SLC36A3: variants seen among roughly 807,000 people sequenced by gnomAD.
SLC36A3 encodes the protein solute carrier family 36 member 3, also known as proton-coupled amino acid transporter 3.
In SLC36A3, 35 loss-of-function variants were observed where a neutral mutation model predicts 44.3. The ratio of observed to expected loss-of-function variants is 0.79; its 90% CI spans 0.60 to 1.05. The LOEUF (loss-of-function observed/expected upper bound fraction) is 1.05. SLC36A3 is among the 50% of genes least tolerant of loss of function. SLC36A3 has a pLI of 0.00. For missense variants in SLC36A3, 540 were observed against 578.7 expected, an observed-to-expected ratio of 0.93 and a Z score of 0.69; for synonymous variants, 211 against 227.6, an observed-to-expected ratio of 0.93 and a Z score of 0.66.
chr5:151,285,616 G>A (rs959656177), intron 6 of SLC36A3, among the ~76,000 whole-genome samples: 8 of 152,234 alleles, frequency 5.3e-5, no homozygotes, highest in Non-Finnish European at 4.4e-5. Context: ...AAAGATGAGA[G>A]TATGTTATGT....
intron 1 of SLC36A3, among the ~76,000 whole-genome samples, chr5:151,302,829 T>C (rs1426795216): frequency 2.0e-5 from 3 of 151,924 alleles, no homozygotes; most frequent in African/African-American, 7.3e-5. Flanking sequence ...GTTAGCACCT[T>C]TTGTTTTCTG....
In SLC36A3 at chr5:151,287,363, C is replaced by G. The variant is rs1256745886; in HGVS notation, c.591G>C (p.Leu197=). The G allele has an allele frequency of 3.7e-6, 6 of 1,614,130 alleles. No homozygotes were observed. The highest frequency in any genetic ancestry group is 4.2e-6 in the Non-Finnish European group (5 of 1,180,026). ...TAAACACCAACAGGATCAGGAAGGGCAGGATTATCAGCATGTAGAAACGAA... is the reference window on the plus strand; with the variant it reads ...TAAACACCAACAGGATCAGGAAGGGGAGGATTATCAGCATGTAGAAACGAA... ...LDIRFYMLII[L]PFLILLVFIQ... is the part of the protein sequence containing the mutation. The change falls in exon 6 of 10, where the codon CTG becomes CTC. Residue 197 remains leucine (L), a synonymous_variant. Coordinates refer to ENST00000335230, the MANE Select transcript of SLC36A3 (RefSeq NM_181774.4).
chr5:151,286,385 T>C (rs1754536626), intron 6 of SLC36A3, among the ~76,000 whole-genome samples: 1 of 152,194 alleles, frequency 6.6e-6, no homozygotes, highest in Admixed American at 6.5e-5. Flanking sequence ...CTTGACCTCA[T>C]GGGCTCAGGT....
chr5:151,292,992 C>G (rs182694668), intron 4 of SLC36A3, among the ~76,000 whole-genome samples: 213 of 151,874 alleles, frequency 1.4e-3, no homozygotes, highest in South Asian at 7.5e-3. Flanking sequence ...CCCTCCCCCC[C>G]CAAAAATGAG....
intron 9 of SLC36A3, 91 bp from the exon 10 acceptor site, chr5:151,277,752 A>G: frequency 3.4e-6 from 5 of 1,481,504 alleles, no homozygotes; most frequent in Middle Eastern, 1.7e-4. Context: ...CACCTGAGAG[A>G]CCACTTTGGA....
chr5:151,284,540 C>T, intron 7 of SLC36A3, 73 bp downstream of exon 7: 1 of 1,141,054 alleles, frequency 8.8e-7, no homozygotes, highest in Middle Eastern at 2.1e-4. Context: ...ACTATTTATT[C>T]AGACATCTGC....
intron 3 of SLC36A3, among the ~76,000 whole-genome samples, chr5:151,294,321 C>T (rs10074476): frequency 6.6e-6 from 1 of 152,004 alleles, no homozygotes; most frequent in Non-Finnish European, 1.5e-5. Flanking sequence ...AATGAAGTCA[C>T]CTTGCATAGA....
At position 151,287,273 on chromosome 5, in the gene SLC36A3, C is replaced by T. The variant is rs371224471; in HGVS notation, c.681G>A (p.Met227Ile). The change falls in exon 6 of 10, where the codon ATG becomes ATA. Residue 227 changes from methionine (M) to isoleucine (I), a missense_variant. Met to Ile is a conservative substitution (Grantham distance 10, BLOSUM62 1). Transcript: ENST00000335230. Reference protein sequence around the residue: ...TLANITTLGSMALIFEYIMEG... With the variant: ...TLANITTLGSIALIFEYIMEG... ...CCATGATATACTCAAAGATCAGAGC[C>T]ATGCTCCCAAGGGTGGTGATGTTGG... 46 of 1,614,032 alleles carry T rather than the reference C, an allele frequency of 2.9e-5. No individual in the cohort carries two copies. Among genetic ancestry groups the T allele is most frequent in the Non-Finnish European group, 3.6e-5 (42 of 1,180,030 alleles).
intron 4 of SLC36A3, among the ~76,000 whole-genome samples, chr5:151,291,580 T>A (rs1754759554): frequency 1.3e-5 from 2 of 152,198 alleles, no homozygotes; most frequent in African/African-American, 4.8e-5. Flanking sequence ...CCCCCGTGCT[T>A]CCTATAAATG....
At chr5:151,297,399 G>C (rs1258635377) in intron 2 of SLC36A3, 1 of 152,204 alleles carries the variant, frequency 6.6e-6, no homozygotes, top group Non-Finnish European at 1.5e-5. Context: ...CTCTGGGTTG[G>C]AACCACTGAA....
chr5:151,292,316 A>G (rs534038560), intron 4 of SLC36A3, among the ~76,000 whole-genome samples: 1 of 152,278 alleles, frequency 6.6e-6, no homozygotes, highest in African/African-American at 2.4e-5. Flanking sequence ...TCAATGACCT[A>G]CTGAGAATCC....
chr5:151,279,646 A>G (rs1378346219), intron 9 of SLC36A3, among the ~76,000 whole-genome samples: 16 of 152,176 alleles, frequency 1.1e-4, no homozygotes, highest in Admixed American at 1.0e-3. Context: ...AATGATCACA[A>G]ACAATACTAT....
At position 151,277,204 on chromosome 5, in the gene SLC36A3, A is replaced by G; in HGVS notation, c.*189T>C. ...AGGTACAAAAGGCCATCCAAAAAAT[A>G]TAAAACCAAAAGAGGTGTAGCCTGA... On this transcript the variant is annotated 3_prime_UTR_variant, in exon 10 of 10. Coordinates refer to ENST00000335230, the MANE Select transcript of SLC36A3 (RefSeq NM_181774.4). The G allele has an allele frequency of 1.3e-6, 1 of 771,746 alleles. No homozygotes were observed. The highest frequency in any genetic ancestry group is 2.7e-5 in the East Asian group (1 of 36,738). 47.8% of individuals were successfully genotyped at this position (771,746 alleles called of 1,614,324 possible). A position where few individuals can be genotyped will look rare whatever the true frequency, so the allele number is the denominator to read the frequency against.
intron 9 of SLC36A3, among the ~76,000 whole-genome samples, chr5:151,279,741 G>A (rs898443902): frequency 6.6e-6 from 1 of 152,130 alleles, no homozygotes; most frequent in African/African-American, 2.4e-5. Context: ...CTCATAGAAC[G>A]CCTGCCATTT....
At chr5:151,301,822 G>A (rs567702373) in intron 1 of SLC36A3, among the ~76,000 whole-genome samples, 17 of 151,656 alleles carry the variant, frequency 1.1e-4, no homozygotes, top group South Asian at 1.0e-3. Context: ...TTGATAAATC[G>A]TCTCTGTCTA....
intron 6 of SLC36A3, among the ~76,000 whole-genome samples, chr5:151,286,452 C>A (rs529093766): frequency 6.6e-6 from 1 of 152,048 alleles, no homozygotes; most frequent in South Asian, 2.1e-4. Flanking sequence ...GCCATCATGC[C>A]CCACTAATTT....
At chr5:151,300,982 A>G (rs924304696) in intron 1 of SLC36A3, among the ~76,000 whole-genome samples, 4 of 152,224 alleles carry the variant, frequency 2.6e-5, no homozygotes, top group African/African-American at 9.6e-5. Context: ...TAATGACTGT[A>G]TCATATTCTA....
intron 8 of SLC36A3, 49 bp from the exon 9 acceptor site, chr5:151,281,232 G>T: frequency 6.4e-7 from 1 of 1,555,372 alleles, no homozygotes; most frequent in South Asian, 1.2e-5. Context: ...TCCCCGGAAG[G>T]GCCATTGAGG....
At position 151,277,525 on chromosome 5, in the gene SLC36A3, GAC is replaced by G. The variant is rs1754134965; in HGVS notation, c.1279_1280del (p.Val427HisfsTer9). On this transcript the variant is annotated frameshift_variant, in exon 10 of 10. Transcript: ENST00000335230. LOFTEE classifies it low-confidence loss of function (END_TRUNC). ...TAATCATGATGTCCTTGGCAATGGT[GAC>G]ACAGCTCATGTCCTCAGAGTAAAAG... The part of the protein sequence containing the change: ...VIFYSEDMSC[V>X]TIAKDIMISI... 1.9e-6 allele frequency: 3 copies of G among 1,614,194 alleles called. No homozygotes were observed. The South Asian group carries it at 3.3e-5, about 18-fold the overall frequency.
Sources: allele counts gnomAD v4.1 joint callset (sites outside exome capture counted in the v4.1 genomes callset), GRCh38; gene constraint gnomAD v4.1.1; transcripts MANE v1.5; gene names NCBI Gene and HGNC (gene_info 2026-07-23, HGNC 2026-07-21).